FCHSD2: variants seen among roughly 807,000 people sequenced by gnomAD.
The protein encoded by FCHSD2 is FCH and double SH3 domains 2.
FCHSD2 carries 38 observed loss-of-function variants against 108.1 expected under a neutral mutation model. The ratio of observed to expected loss-of-function variants is 0.35; its 90% CI spans 0.27 to 0.46. The LOEUF (loss-of-function observed/expected upper bound fraction) is 0.46. FCHSD2 is among the 20% of genes least tolerant of loss of function. The pLI is 1.00. For synonymous variants in FCHSD2, 279 were observed against 314.7 expected, an observed-to-expected ratio of 0.89 and a Z score of 1.20; for missense variants, 751 against 897.8, an observed-to-expected ratio of 0.84 and a Z score of 2.09.
At chr11:72,919,361 T>C (rs545644187) in intron 9 of FCHSD2, among the ~76,000 whole-genome samples, 37 of 152,298 alleles carry the variant, frequency 2.4e-4, no homozygotes, top group African/African-American at 7.9e-4. Flanking sequence ...GAGATACTCA[T>C]ATGAGTGAAT....
At chr11:72,840,509 T>C (rs1860889539) in intron 19 of FCHSD2, among the ~76,000 whole-genome samples, 1 of 152,184 alleles carries the variant, frequency 6.6e-6, no homozygotes, top group Non-Finnish European at 1.5e-5. Context: ...TAGCTTATTA[T>C]TTCATCTTGG....
chr11:73,071,366 G>C (rs1214833511), intron 3 of FCHSD2, among the ~76,000 whole-genome samples: 3 of 152,110 alleles, frequency 2.0e-5, no homozygotes, highest in Admixed American at 1.3e-4. Flanking sequence ...GTCATCTTTT[G>C]GATGCACCTC....
chr11:72,873,738 T>C (rs930651556), intron 12 of FCHSD2, among the ~76,000 whole-genome samples: 19 of 152,180 alleles, frequency 1.2e-4, no homozygotes, highest in African/African-American at 4.6e-4. Flanking sequence ...TTGAGTTAGT[T>C]TGTATATATG....
intron 12 of FCHSD2, among the ~76,000 whole-genome samples, chr11:72,877,320 C>G (rs1189600798): frequency 1.3e-5 from 2 of 152,106 alleles, no homozygotes; most frequent in African/African-American, 4.8e-5. Context: ...AGGACATCCA[C>G]CTTCAGGCCA....
At chr11:72,979,668 T>A (rs1326630644) in intron 8 of FCHSD2, among the ~76,000 whole-genome samples, 2 of 152,194 alleles carry the variant, frequency 1.3e-5, no homozygotes, top group Non-Finnish European at 2.9e-5. Flanking sequence ...GCCATTTTCA[T>A]AAACATAGTA....
intron 19 of FCHSD2, among the ~76,000 whole-genome samples, chr11:72,839,920 C>A: frequency 6.6e-6 from 1 of 152,180 alleles, no homozygotes. Flanking sequence ...TGAGAATTAT[C>A]AGCAGAGACA....
intron 2 of FCHSD2, among the ~76,000 whole-genome samples, chr11:73,110,199 C>T (rs1161936619): frequency 2.6e-5 from 4 of 151,772 alleles, no homozygotes; most frequent in Non-Finnish European, 5.9e-5. Flanking sequence ...GTACTGCTGG[C>T]CTCACAGAAT....
chr11:72,942,753 T>C (rs1856444787), intron 8 of FCHSD2, among the ~76,000 whole-genome samples: 1 of 152,242 alleles, frequency 6.6e-6, no homozygotes, highest in East Asian at 1.9e-4. Flanking sequence ...ATTTTTATTA[T>C]GGCTCTCCTA....
intron 3 of FCHSD2, among the ~76,000 whole-genome samples, chr11:73,050,066 G>C (rs1416323514): frequency 1.3e-5 from 2 of 152,184 alleles, no homozygotes; most frequent in Admixed American, 6.5e-5. Flanking sequence ...AAACTTTTCT[G>C]TAAAAGGCCA....
At chr11:73,130,996 A>G (rs1335927197) in intron 2 of FCHSD2, among the ~76,000 whole-genome samples, 1 of 152,206 alleles carries the variant, frequency 6.6e-6, no homozygotes, top group East Asian at 1.9e-4. Flanking sequence ...TTGAAAGAAT[A>G]CTAATTGAGA....
intron 5 of FCHSD2, among the ~76,000 whole-genome samples, chr11:72,990,106 A>C (rs767433328): frequency 1.6e-4 from 24 of 152,240 alleles, no homozygotes; most frequent in Non-Finnish European, 2.5e-4. Context: ...GACAGATAAA[A>C]GCAAAATAAC....
At chr11:73,071,374 C>T (rs1413775314) in intron 3 of FCHSD2, among the ~76,000 whole-genome samples, 4 of 152,056 alleles carry the variant, frequency 2.6e-5, no homozygotes, top group African/African-American at 9.7e-5. Flanking sequence ...TTGGATGCAC[C>T]TCAGACTGCC....
chr11:72,900,225 TC>T, intron 10 of FCHSD2: 1 of 559,576 alleles, frequency 1.8e-6, no homozygotes, highest in Admixed American at 2.3e-5. Context: ...ACACTTCCCA[TC>T]CCTCCCGCCC....
intron 2 of FCHSD2, among the ~76,000 whole-genome samples, chr11:73,123,500 G>C (rs1860782878): frequency 6.6e-6 from 1 of 152,140 alleles, no homozygotes; most frequent in African/African-American, 2.4e-5. Context: ...CTTAGGAATA[G>C]GGCCTAGGCA....
At chr11:73,016,923 T>C (rs1036158849) in intron 3 of FCHSD2, among the ~76,000 whole-genome samples, 2 of 152,196 alleles carry the variant, frequency 1.3e-5, no homozygotes, top group Non-Finnish European at 1.5e-5. Context: ...TAAGAATTGA[T>C]TTTAAACTGC....
intron 12 of FCHSD2, among the ~76,000 whole-genome samples, chr11:72,878,852 A>G (rs191189848): frequency 1.3e-5 from 2 of 152,264 alleles, no homozygotes; most frequent in East Asian, 1.9e-4. Context: ...CATGCTTGTA[A>G]TCCCAGCACT....
At chr11:72,956,854 A>C (rs1211652978) in intron 8 of FCHSD2, among the ~76,000 whole-genome samples, 17 of 151,086 alleles carry the variant, frequency 1.1e-4, no homozygotes, top group Non-Finnish European at 7.4e-5. Flanking sequence ...CCTAGAAGAC[A>C]CCAAATTGAC....
At chr11:72,914,379 C>T (rs1855828505) in intron 9 of FCHSD2, among the ~76,000 whole-genome samples, 1 of 152,118 alleles carries the variant, frequency 6.6e-6, no homozygotes, top group South Asian at 2.1e-4. Flanking sequence ...CTTTGCAGAA[C>T]TAGAAAAAAC....
intron 3 of FCHSD2, among the ~76,000 whole-genome samples, chr11:73,050,991 A>C (rs1187131137): frequency 6.6e-6 from 1 of 152,210 alleles, no homozygotes; most frequent in Non-Finnish European, 1.5e-5. Flanking sequence ...GCAATTTGAC[A>C]TCAGTTAGTT....
Sources: gnomAD v4.1 joint callset for allele counts (sites outside exome capture counted in the v4.1 genomes callset) on GRCh38, gnomAD v4.1.1 for gene constraint, MANE v1.5 for transcripts, NCBI Gene and HGNC (gene_info 2026-07-23, HGNC 2026-07-21) for gene names.